Variants in C12orf42 observed in about 807,000 individuals in gnomAD.
The protein encoded by C12orf42 is chromosome 12 open reading frame 42.
In C12orf42, 25 loss-of-function variants were observed where a neutral mutation model predicts 21.6. That is an observed-to-expected ratio of 1.16 (90% CI 0.84 to 1.62). The LOEUF (loss-of-function observed/expected upper bound fraction) is 1.62. Among genes scored for constraint, C12orf42 ranks in the 40% most tolerant of loss-of-function variants. The pLI, the probability that C12orf42 is intolerant of heterozygous loss-of-function variation, is 0.00. For synonymous variants in C12orf42, 174 were observed against 175.0 expected (o/e 0.99, Z 0.05); for missense variants, 483 against 459.3 (o/e 1.05, Z -0.47).
At chr12:103,228,210 A>G in the C12orf42 span, among the ~76,000 whole-genome samples, 1 of 152,122 alleles carries the variant, frequency 6.6e-6, no homozygotes, top group Non-Finnish European at 1.5e-5. Context: ...GAGAGTCAGC[A>G]AAGGGAGATA....
At chr12:103,279,327 G>A (rs1721833488) in intron 4 of C12orf42, among the ~76,000 whole-genome samples, 1 of 152,118 alleles carries the variant, frequency 6.6e-6, no homozygotes, top group Non-Finnish European at 1.5e-5. Context: ...ATGTATGCAT[G>A]TATTCAAACC....
At chr12:103,466,002 T>C (rs1342108773) in intron 2 of C12orf42, among the ~76,000 whole-genome samples, 1 of 152,220 alleles carries the variant, frequency 6.6e-6, no homozygotes, top group African/African-American at 2.4e-5. Context: ...GGTTTGCCAG[T>C]ATTTTATTGA....
chr12:103,099,748 A>G, the C12orf42 span, among the ~76,000 whole-genome samples: 1 of 152,232 alleles, frequency 6.6e-6, no homozygotes, highest in African/African-American at 2.4e-5. Context: ...AATAGGACCA[A>G]TTCTCAACAA....
At chr12:103,218,157 G>C in the C12orf42 span, among the ~76,000 whole-genome samples, 1 of 151,826 alleles carries the variant, frequency 6.6e-6, no homozygotes, top group Admixed American at 6.6e-5. Flanking sequence ...GTGCACTCCT[G>C]TAATCCCAAC....
chr12:103,192,805 C>T, the C12orf42 span, among the ~76,000 whole-genome samples: 17 of 152,170 alleles, frequency 1.1e-4, no homozygotes, highest in African/African-American at 1.9e-4. Context: ...CAAAAGACTT[C>T]AATATCCCCC....
At chr12:103,115,378 A>T in the C12orf42 span, among the ~76,000 whole-genome samples, 1 of 152,222 alleles carries the variant, frequency 6.6e-6, no homozygotes, top group East Asian at 1.9e-4. Context: ...CAAAGCCACC[A>T]TATACTGGAA....
At chr12:103,256,908 C>T (rs1440827156) in intron 10 of C12orf42, among the ~76,000 whole-genome samples, 1 of 152,180 alleles carries the variant, frequency 6.6e-6, no homozygotes, top group Non-Finnish European at 1.5e-5. Flanking sequence ...TCCACAACCT[C>T]ACCAGCATCT....
At chr12:103,395,145 A>G (rs1471457203) in intron 3 of C12orf42, among the ~76,000 whole-genome samples, 2 of 152,224 alleles carry the variant, frequency 1.3e-5, no homozygotes, top group African/African-American at 4.8e-5. Flanking sequence ...TACTGAATAA[A>G]TATTTGTTGA....
intron 5 of C12orf42, chr12:103,277,077 G>C: frequency 2.2e-6 from 1 of 453,338 alleles, no homozygotes; most frequent in Non-Finnish European, 4.4e-6. Context: ...TCAAGTTTGG[G>C]AAGATTGCTG....
the C12orf42 span, among the ~76,000 whole-genome samples, chr12:103,048,431 C>G: frequency 3.9e-5 from 6 of 152,182 alleles, no homozygotes; most frequent in African/African-American, 1.4e-4. Flanking sequence ...CACCCTCCCC[C>G]ATATATGCAA....
At chr12:103,530,378 C>T in the C12orf42 span, among the ~76,000 whole-genome samples, 3 of 152,170 alleles carry the variant, frequency 2.0e-5, no homozygotes, top group Non-Finnish European at 4.4e-5. Flanking sequence ...ACTTTGGGGT[C>T]TGCCAGGCTT....
chr12:103,290,512 A>T (rs78004694), intron 4 of C12orf42, among the ~76,000 whole-genome samples: 1 of 152,240 alleles, frequency 6.6e-6, no homozygotes, highest in Admixed American at 6.6e-5. Context: ...AGTCAAACAC[A>T]TAAAAAATCT....
At chr12:103,064,912 A>G in the C12orf42 span, among the ~76,000 whole-genome samples, 1 of 152,342 alleles carries the variant, frequency 6.6e-6, no homozygotes, top group South Asian at 2.1e-4. Flanking sequence ...CAGTGGGTCC[A>G]GTGGGTCCCC....
At chr12:103,059,764 T>G in the C12orf42 span, among the ~76,000 whole-genome samples, 3 of 152,190 alleles carry the variant, frequency 2.0e-5, no homozygotes, top group Non-Finnish European at 4.4e-5. Flanking sequence ...AGAAAGGCCT[T>G]TGATAAAATT....
the C12orf42 span, among the ~76,000 whole-genome samples, chr12:103,109,926 T>C: frequency 6.6e-6 from 1 of 151,902 alleles, no homozygotes; most frequent in Non-Finnish European, 1.5e-5. Context: ...AGTCAAAATA[T>C]CAAAAAACGT....
chr12:103,252,221 C>T (rs1016788641), intron 10 of C12orf42, among the ~76,000 whole-genome samples: 3 of 152,108 alleles, frequency 2.0e-5, no homozygotes, highest in Non-Finnish European at 4.4e-5. Context: ...GGTTCCAAGT[C>T]CTTGATATTG....
At chr12:103,551,345 G>C in the C12orf42 span, among the ~76,000 whole-genome samples, 1 of 151,990 alleles carries the variant, frequency 6.6e-6, no homozygotes, top group South Asian at 2.1e-4. Flanking sequence ...TATTCTTTCA[G>C]ACATAGTTAA....
the C12orf42 span, among the ~76,000 whole-genome samples, chr12:103,161,142 T>C: frequency 6.6e-6 from 1 of 152,184 alleles, no homozygotes; most frequent in African/African-American, 2.4e-5. Flanking sequence ...TCCACTCTTG[T>C]GATTGCATAA....
chr12:103,460,276 A>T (rs370432332), intron 2 of C12orf42, among the ~76,000 whole-genome samples: 48 of 91,514 alleles, frequency 5.2e-4, no homozygotes, highest in African/African-American at 1.8e-3. Context: ...CAGAACAAAA[A>T]AAAAAAAGAG....
Sources: allele counts gnomAD v4.1 joint callset (sites outside exome capture counted in the v4.1 genomes callset), GRCh38; gene constraint gnomAD v4.1.1; transcripts MANE v1.5; gene names NCBI Gene and HGNC (gene_info 2026-07-23, HGNC 2026-07-21).